The following RUSC2 variants were observed in gnomAD, a reference collection of about 807,000 sequenced individuals.
RUSC2 encodes the protein AP-4 complex accessory subunit RUSC2.
RUSC2 carries 34 observed loss-of-function variants against 122.2 expected under a neutral mutation model. That is an observed-to-expected ratio of 0.28 (90% confidence interval 0.21 to 0.37). RUSC2 has a LOEUF of 0.37. RUSC2 is among the 10% of genes least tolerant of loss of function. RUSC2 has a pLI of 1.00. For missense variants in RUSC2, 1,747 were observed against 1,952.4 expected, an observed-to-expected ratio of 0.89 and a Z score of 1.98; for synonymous variants, 784 against 790.0, an observed-to-expected ratio of 0.99 and a Z score of 0.13.
At chr9:35,518,643 C>T (rs184931004) in intron 1 of RUSC2, among the ~76,000 whole-genome samples, 1 of 152,136 alleles carries the variant, frequency 6.6e-6, no homozygotes, top group Non-Finnish European at 1.5e-5. Flanking sequence ...CAGCTCCTGG[C>T]CCAACAAGAT....
At position 35,558,287 on chromosome 9, in the gene RUSC2, G is replaced by A. The variant is rs1446787465; in HGVS notation, c.3151G>A (p.Gly1051Arg). Residue 1051 changes from glycine to arginine, a missense_variant, in exon 7 of 12, where the codon GGG becomes AGG. Transcript: ENST00000361226. The surrounding 1 kb of genome is among the most constrained non-coding windows in gnomAD (Gnocchi z 4.3). ...CPAVRAVLED[G>R]LKAFVLDVII... is the part of the protein sequence containing the mutation. The stretch of plus-strand genomic sequence containing the variant: ...TGCCGTCCGCGCCGTGCTGGAGGAT[G>A]GGCTCAAGGCCTTTGTACTGGACGT... 1 of 1,614,188 alleles carries A rather than the reference G, an allele frequency of 6.2e-7. No homozygotes were observed. The highest frequency in any genetic ancestry group is 8.5e-7 in the Non-Finnish European group (1 of 1,180,032).
chr9:35,516,033 G>A (rs1009735399), intron 1 of RUSC2, among the ~76,000 whole-genome samples: 1 of 83,550 alleles, frequency 1.2e-5, no homozygotes, highest in Non-Finnish European at 2.8e-5. Context: ...AGAGAAATGC[G>A]CTTATGACAA....
In RUSC2 at chr9:35,561,679, G is replaced by A. The variant is rs1822181551; in HGVS notation, c.*297G>A. The A allele has an allele frequency of 1.9e-6, 1 of 532,356 alleles. No individual in the cohort carries two copies. The highest frequency in any genetic ancestry group is 1.9e-5 in the African/African-American group (1 of 52,796). The allele number at this position is 532,356 out of a possible 1,614,324, so 33.0% of individuals were successfully genotyped here. A position where few individuals can be genotyped will look rare whatever the true frequency, so the allele number is the denominator to read the frequency against. ...TGAAGACAAGCAAGTCCCCCTGGAG[G>A]CGGGTGGCCCAGAAAGCCATCTACA... On this transcript the variant is annotated 3_prime_UTR_variant, in exon 12 of 12. Transcript: ENST00000361226.
intron 1 of RUSC2, among the ~76,000 whole-genome samples, chr9:35,542,832 C>T (rs536735667): frequency 2.4e-4 from 37 of 152,322 alleles, no homozygotes; most frequent in African/African-American, 8.7e-4. Context: ...CAGCTTTCTG[C>T]ATTCTGTATC....
At chr9:35,538,688 T>C (rs1821577426) in intron 1 of RUSC2, 1 of 152,300 alleles carries the variant, frequency 6.6e-6, no homozygotes. Context: ...CTCCCCATTT[T>C]TCCTTTGCTG....
rs779347754 is a variant in RUSC2 at position 35,548,023 on chromosome 9, G to T, written c.1502G>T (p.Arg501Leu). ...TGRQRSRSYD[R>L]SLQRSPPVRL... The stretch of plus-strand genomic sequence containing the variant: ...CGTCAGCGCTCCCGCAGCTATGATC[G>T]CAGCCTGCAGCGCAGCCCTCCTGTC... Residue 501 changes from arginine to leucine, a missense_variant, in exon 2 of 12, where the codon CGC (arginine) becomes CTC (leucine). By Grantham distance (102) the Arg-to-Leu change is moderately radical. Coordinates refer to ENST00000361226, the MANE Select transcript of RUSC2 (RefSeq NM_014806.5). The surrounding 1 kb of genome is among the most constrained non-coding windows in gnomAD (Gnocchi z 4.5). 1 of 1,613,762 alleles carries T rather than the reference G, an allele frequency of 6.2e-7. No homozygotes were observed.
At chr9:35,495,770 C>A (rs2132487126) in intron 1 of RUSC2, among the ~76,000 whole-genome samples, 1 of 152,176 alleles carries the variant, frequency 6.6e-6, no homozygotes, top group South Asian at 2.1e-4. Context: ...AATACTGACA[C>A]CTCTAATGAT....
At chr9:35,544,331 C>CA (rs1385281714) in intron 1 of RUSC2, among the ~76,000 whole-genome samples, 4 of 96,382 alleles carry the variant, frequency 4.2e-5, no homozygotes, top group African/African-American at 1.6e-4. Context: ...TTTTTTGAGA[C>CA]AGAGTCTCAC....
chr9:35,541,984 G>C (rs765140261), intron 1 of RUSC2, among the ~76,000 whole-genome samples: 9 of 151,028 alleles, frequency 6.0e-5, no homozygotes, highest in Non-Finnish European at 1.3e-4. Context: ...TAAAAATGAA[G>C]ATGGCTCTGC....
chr9:35,514,453 G>C (rs1376469647), intron 1 of RUSC2, among the ~76,000 whole-genome samples: 4 of 152,160 alleles, frequency 2.6e-5, no homozygotes, highest in Admixed American at 2.0e-4. Flanking sequence ...GAAAGCCTTC[G>C]AAGGGTTTTT....
At chr9:35,539,464 A>AC (rs1241771239) in intron 1 of RUSC2, among the ~76,000 whole-genome samples, 1 of 151,988 alleles carries the variant, frequency 6.6e-6, no homozygotes, top group Non-Finnish European at 1.5e-5. Context: ...AGGAGGAGAC[A>AC]CCCCTACAGC....
intron 1 of RUSC2, among the ~76,000 whole-genome samples, chr9:35,491,080 A>T (rs917159873): frequency 2.0e-5 from 3 of 150,794 alleles, no homozygotes; most frequent in Non-Finnish European, 3.0e-5. Context: ...AGTGTCCGTG[A>T]TAAAGAACAC....
At chr9:35,544,772 C>T (rs1365251984) in intron 1 of RUSC2, among the ~76,000 whole-genome samples, 3 of 151,666 alleles carry the variant, frequency 2.0e-5, no homozygotes, top group African/African-American at 7.3e-5. Context: ...CTTATGGAGT[C>T]CAATTTATGT....
At chr9:35,525,441 G>A (rs952880950) in intron 1 of RUSC2, among the ~76,000 whole-genome samples, 7 of 152,044 alleles carry the variant, frequency 4.6e-5, no homozygotes, top group African/African-American at 1.5e-4. Flanking sequence ...TGTTGGTGGG[G>A]ACTGGGTGTC....
chr9:35,508,748 A>T (rs1378210048), intron 1 of RUSC2, among the ~76,000 whole-genome samples: 1 of 152,202 alleles, frequency 6.6e-6, no homozygotes, highest in Non-Finnish European at 1.5e-5. Context: ...AAATCAACCT[A>T]TAGCGAAATT....
At chr9:35,529,022 G>T (rs922882131) in intron 1 of RUSC2, among the ~76,000 whole-genome samples, 10 of 152,088 alleles carry the variant, frequency 6.6e-5, no homozygotes, top group African/African-American at 2.4e-4. Context: ...AATATACCTT[G>T]TATACCCAAT....
At chr9:35,515,131 G>A (rs1240804110) in intron 1 of RUSC2, among the ~76,000 whole-genome samples, 4 of 152,184 alleles carry the variant, frequency 2.6e-5, no homozygotes, top group Non-Finnish European at 5.9e-5. Context: ...CAGCTAAATT[G>A]TTTACAAAAT....
rs544400677 is a variant in RUSC2 at position 35,506,903 on chromosome 9, C to G, written c.-93+16731C>G. The stretch of plus-strand genomic sequence containing the variant: ...GCCCAAGGCAGGAGGATCATTTAAG[C>G]TTAGGGTTTCGAGACTAGCCTGAGC... On this transcript the variant is annotated intron_variant, in intron 1 of 11. Coordinates refer to ENST00000361226, the MANE Select transcript of RUSC2 (RefSeq NM_014806.5). Among the ~76,000 whole-genome samples the G allele has an allele frequency of 1.9e-3, 292 of 152,226 alleles. 1 individual carries two copies. Among genetic ancestry groups the G allele is most frequent in the African/African-American group, 6.7e-3 (279 of 41,548 alleles).
At chr9:35,504,898 G>A (rs2132498711) in intron 1 of RUSC2, among the ~76,000 whole-genome samples, 1 of 152,310 alleles carries the variant, frequency 6.6e-6, no homozygotes, top group South Asian at 2.1e-4. Context: ...GGCCTGGGGT[G>A]GGGTTTGGGG....
Sources: allele counts gnomAD v4.1 joint callset (sites outside exome capture counted in the v4.1 genomes callset), GRCh38; gene constraint gnomAD v4.1.1; non-coding constraint Gnocchi (gnomAD v3.1); transcripts MANE v1.5; gene names NCBI Gene and HGNC (gene_info 2026-07-23, HGNC 2026-07-21).